CACNA2D3: variants seen among roughly 807,000 people sequenced by gnomAD.
The protein encoded by CACNA2D3 is calcium voltage-gated channel auxiliary subunit alpha2delta 3.
CACNA2D3 carries 60 observed loss-of-function variants against 160.6 expected under a neutral mutation model. That is an observed-to-expected ratio of 0.37 (90% CI 0.30 to 0.46). The LOEUF (loss-of-function observed/expected upper bound fraction) is 0.46, where lower values mean the gene tolerates loss of function less well. CACNA2D3 is among the 20% of genes least tolerant of loss of function. The probability of loss-of-function intolerance (pLI) is 1.00; values close to 1 mark genes in which losing one functional copy is unlikely to be tolerated. For synonymous variants in CACNA2D3, 558 were observed against 492.9 expected (o/e 1.13, Z -1.75); for missense variants, 1,205 against 1,365.0 (o/e 0.88, Z 1.85).
intron 35 of CACNA2D3, among the ~76,000 whole-genome samples, chr3:55,033,582 G>GTATATATATATATA (rs755336238): frequency 7.5e-5 from 9 of 119,588 alleles, no homozygotes; most frequent in African/African-American, 2.3e-4. Context: ...TTATGTGTGT[G>GTATATATATATATA]TGTATATATA....
intron 13 of CACNA2D3, among the ~76,000 whole-genome samples, chr3:54,809,510 G>T (rs1703240655): frequency 1.4e-5 from 2 of 142,948 alleles, no homozygotes; most frequent in Non-Finnish European, 1.5e-5. Context: ...AGTAGAGACG[G>T]GGTTTCACCT....
intron 2 of CACNA2D3, among the ~76,000 whole-genome samples, chr3:54,223,116 G>A (rs1247722421): frequency 6.6e-6 from 1 of 152,082 alleles, no homozygotes; most frequent in Non-Finnish European, 1.5e-5. Context: ...ATTACAAAGT[G>A]CATATTTAAC....
chr3:54,123,911 C>T (rs955769211), intron 2 of CACNA2D3, among the ~76,000 whole-genome samples: 1 of 152,138 alleles, frequency 6.6e-6, no homozygotes, highest in Admixed American at 6.5e-5. Flanking sequence ...AGCAGATGCT[C>T]CTCGGGCCAA....
intron 2 of CACNA2D3, among the ~76,000 whole-genome samples, chr3:54,271,069 A>G (rs1702613147): frequency 6.6e-6 from 1 of 152,174 alleles, no homozygotes; most frequent in African/African-American, 2.4e-5. Flanking sequence ...TTTCTAAGTG[A>G]CAGCTGGTGG....
intron 14 of CACNA2D3, among the ~76,000 whole-genome samples, chr3:54,822,831 C>T (rs55767938): frequency 0.15 from 8,449 of 55,966 alleles, 597 homozygotes; most frequent in Middle Eastern, 0.21. Context: ...TTCTTTCTTT[C>T]TTTTCTTTCT....
chr3:54,496,663 C>G (rs551019782), intron 4 of CACNA2D3, among the ~76,000 whole-genome samples: 1 of 152,204 alleles, frequency 6.6e-6, no homozygotes, highest in South Asian at 2.1e-4. Flanking sequence ...TCCAAATTAT[C>G]CATTTTTAAA....
intron 12 of CACNA2D3, among the ~76,000 whole-genome samples, chr3:54,761,211 G>C (rs747000884): frequency 2.0e-5 from 3 of 152,214 alleles, no homozygotes; most frequent in Non-Finnish European, 4.4e-5. Flanking sequence ...AGGCAACCAA[G>C]AAGAACTCCT....
intron 24 of CACNA2D3, among the ~76,000 whole-genome samples, chr3:54,890,004 GT>G (rs1410971839): frequency 6.6e-6 from 1 of 152,150 alleles, no homozygotes; most frequent in Non-Finnish European, 1.5e-5. Context: ...GAAATGCATT[GT>G]TTTGGTTTTT....
intron 2 of CACNA2D3, among the ~76,000 whole-genome samples, chr3:54,184,579 A>G (rs1329190215): frequency 6.6e-6 from 1 of 152,198 alleles, no homozygotes; most frequent in Non-Finnish European, 1.5e-5. Context: ...CCCCTACCTC[A>G]TCTTTCCCTT....
chr3:55,038,894 A>G (rs929238613), intron 35 of CACNA2D3, among the ~76,000 whole-genome samples: 6 of 141,682 alleles, frequency 4.2e-5, no homozygotes, highest in African/African-American at 1.6e-4. Flanking sequence ...ATATATATAT[A>G]TATATATATA....
intron 4 of CACNA2D3, among the ~76,000 whole-genome samples, chr3:54,427,098 C>A (rs1699921560): frequency 6.6e-6 from 1 of 151,962 alleles, no homozygotes. Flanking sequence ...GACTGCATTA[C>A]CAGAAGGCAG....
chr3:54,162,095 G>T (rs1374431300), intron 2 of CACNA2D3, among the ~76,000 whole-genome samples: 3 of 152,204 alleles, frequency 2.0e-5, no homozygotes, highest in Non-Finnish European at 4.4e-5. Context: ...AGGACACTGG[G>T]CCAGAGGCTG....
chr3:54,142,554 G>A (rs1374707840), intron 2 of CACNA2D3, among the ~76,000 whole-genome samples: 2 of 151,996 alleles, frequency 1.3e-5, no homozygotes, highest in Non-Finnish European at 2.9e-5. Context: ...TCTCATCTTT[G>A]TTTTCCTCTT....
At chr3:54,874,199 GA>G (rs986636184) in intron 18 of CACNA2D3, among the ~76,000 whole-genome samples, 1 of 151,996 alleles carries the variant, frequency 6.6e-6, no homozygotes, top group South Asian at 2.1e-4. Context: ...AAAATTAAAA[GA>G]AAAAAAGACA....
intron 2 of CACNA2D3, among the ~76,000 whole-genome samples, chr3:54,214,095 G>C (rs1378262059): frequency 1.3e-5 from 2 of 152,172 alleles, no homozygotes; most frequent in Non-Finnish European, 2.9e-5. Context: ...GGGGCCTTCA[G>C]AGCATCTCGT....
chr3:54,799,752 T>C (rs770581400), intron 13 of CACNA2D3, among the ~76,000 whole-genome samples: 17 of 152,182 alleles, frequency 1.1e-4, no homozygotes, highest in Non-Finnish European at 2.2e-4. Flanking sequence ...ATTGACTCTC[T>C]GGGTTCTCCA....
intron 35 of CACNA2D3, among the ~76,000 whole-genome samples, chr3:55,052,084 G>A (rs940616239): frequency 6.6e-6 from 1 of 152,172 alleles, no homozygotes; most frequent in African/African-American, 2.4e-5. Context: ...CACTCTGGGA[G>A]CTGTAGACTG....
chr3:54,442,481 A>G (rs1700160182), intron 4 of CACNA2D3, among the ~76,000 whole-genome samples: 1 of 152,162 alleles, frequency 6.6e-6, no homozygotes, highest in Non-Finnish European at 1.5e-5. Context: ...TGGTACATCA[A>G]TGATGTGCTT....
chr3:54,960,300 G>T (rs1465403442), intron 27 of CACNA2D3, among the ~76,000 whole-genome samples: 1 of 152,060 alleles, frequency 6.6e-6, no homozygotes, highest in Non-Finnish European at 1.5e-5. Context: ...CATATATCAT[G>T]GAGTGCTTTG....
Sources: allele counts gnomAD v4.1 joint callset (sites outside exome capture counted in the v4.1 genomes callset), GRCh38; gene constraint gnomAD v4.1.1; transcripts MANE v1.5; gene names NCBI Gene and HGNC (gene_info 2026-07-23, HGNC 2026-07-21).